FAF1: variants seen among roughly 807,000 people sequenced by gnomAD.
FAF1 encodes the protein FAS-associated factor 1.
Under a neutral mutation model 92.5 loss-of-function variants are expected in FAF1, and 25 were observed. The observed-to-expected ratio is 0.27, with a 90% confidence interval of 0.20 to 0.38. The LOEUF (loss-of-function observed/expected upper bound fraction) is 0.38, where lower values mean the gene tolerates loss of function less well. FAF1 is among the 10% of genes least tolerant of loss of function. The pLI, the probability that FAF1 is intolerant of heterozygous loss-of-function variation, is 1.00. For synonymous variants in FAF1, 234 were observed against 273.2 expected (o/e 0.86, Z 1.42); for missense variants, 636 against 793.3 (o/e 0.80, Z 2.38).
chr1:50,622,184 GA>G lies in FAF1; in HGVS notation c.745-25969del, dbSNP rs141694380. Among the ~76,000 whole-genome samples the G allele has an allele frequency of 7.6e-5, 11 of 145,260 alleles. No individual in the cohort carries two copies. In the East Asian group the frequency reaches 1.2e-3, roughly 16 times the overall value. On this transcript the variant is annotated intron_variant, in intron 8 of 18. Coordinates refer to ENST00000396153, the MANE Select transcript of FAF1 (RefSeq NM_007051.3). ...CATCTCAAAAAAAAAAAAATAAAAA[GA>G]AAAAAAAAAGAAAGATTACCCTGCC...
chr1:50,469,912 A>C (rs754843605), intron 18 of FAF1, among the ~76,000 whole-genome samples: 1 of 152,214 alleles, frequency 6.6e-6, no homozygotes, highest in Non-Finnish European at 1.5e-5. Flanking sequence ...AACCAGATAT[A>C]GTGACATAAA....
intron 1 of FAF1, among the ~76,000 whole-genome samples, chr1:50,891,153 G>A (rs760274984): frequency 2.1e-4 from 32 of 152,006 alleles, no homozygotes; most frequent in African/African-American, 7.3e-4. Flanking sequence ...TGATGAAATC[G>A]GCTATTGAAG....
chr1:50,576,382 G>C (rs1314255899), intron 12 of FAF1, among the ~76,000 whole-genome samples: 2 of 152,188 alleles, frequency 1.3e-5, no homozygotes, highest in Non-Finnish European at 2.9e-5. Flanking sequence ...TGTGAAGTCA[G>C]ATCTTTGGAG....
At chr1:50,526,127 A>C (rs1647786359) in intron 15 of FAF1, among the ~76,000 whole-genome samples, 1 of 152,174 alleles carries the variant, frequency 6.6e-6, no homozygotes, top group Non-Finnish European at 1.5e-5. Context: ...TATCCAGTTT[A>C]ATGACTCCTG....
At chr1:50,832,067 G>A (rs973886610) in intron 2 of FAF1, among the ~76,000 whole-genome samples, 1 of 151,952 alleles carries the variant, frequency 6.6e-6, no homozygotes, top group African/African-American at 2.4e-5. Context: ...TCTAGTTGCA[G>A]GAAAATAAGT....
intron 6 of FAF1, among the ~76,000 whole-genome samples, chr1:50,731,582 A>G (rs1417141102): frequency 6.6e-6 from 1 of 151,816 alleles, no homozygotes; most frequent in East Asian, 1.9e-4. Context: ...GTTAGCCAGG[A>G]TGGTCTCGAT....
chr1:50,630,007 G>A (rs961907130), intron 8 of FAF1, among the ~76,000 whole-genome samples: 4 of 151,828 alleles, frequency 2.6e-5, no homozygotes, highest in Non-Finnish European at 5.9e-5. Flanking sequence ...GCAGTGAGCC[G>A]AGATCACGCC....
intron 3 of FAF1, among the ~76,000 whole-genome samples, chr1:50,798,752 A>C (rs1389400987): frequency 6.6e-6 from 1 of 152,244 alleles, no homozygotes; most frequent in Non-Finnish European, 1.5e-5. Flanking sequence ...CTGTAAAATG[A>C]GGAAGAATAA....
chr1:50,611,588 C>T (rs1216897881), intron 8 of FAF1, among the ~76,000 whole-genome samples: 1 of 152,130 alleles, frequency 6.6e-6, no homozygotes, highest in African/African-American at 2.4e-5. Context: ...AATTTAAACT[C>T]AAGGAAACAT....
At chr1:50,570,032 T>C (rs1245249649) in intron 12 of FAF1, among the ~76,000 whole-genome samples, 1 of 152,162 alleles carries the variant, frequency 6.6e-6, no homozygotes, top group Non-Finnish European at 1.5e-5. Flanking sequence ...TTTCAAAGCA[T>C]TGGTCCCTGC....
At chr1:50,701,078 T>G (rs1018828001) in intron 7 of FAF1, among the ~76,000 whole-genome samples, 1 of 152,116 alleles carries the variant, frequency 6.6e-6, no homozygotes, top group African/African-American at 2.4e-5. Context: ...CATAATCGTC[T>G]TTTCTGAAAG....
chr1:50,490,886 AG>A (rs1249885505), intron 16 of FAF1, among the ~76,000 whole-genome samples: 3 of 152,216 alleles, frequency 2.0e-5, no homozygotes, highest in Admixed American at 6.5e-5. Flanking sequence ...TGATAATGTT[AG>A]GTTCCTATTC....
At chr1:50,799,044 G>A (rs918300542) in intron 3 of FAF1, among the ~76,000 whole-genome samples, 27 of 152,150 alleles carry the variant, frequency 1.8e-4, no homozygotes, top group African/African-American at 5.3e-4. Flanking sequence ...ACTCCTGACC[G>A]CGAGTGATCT....
chr1:50,822,512 C>T (rs1644052174), intron 2 of FAF1, among the ~76,000 whole-genome samples: 1 of 152,168 alleles, frequency 6.6e-6, no homozygotes, highest in South Asian at 2.1e-4. Flanking sequence ...CCTACTTCTC[C>T]TTCACAGGTC....
intron 1 of FAF1, among the ~76,000 whole-genome samples, chr1:50,920,335 G>A (rs1644953006): frequency 6.6e-6 from 1 of 151,334 alleles, no homozygotes; most frequent in African/African-American, 2.4e-5. Context: ...AAGAAAATAT[G>A]CTTTGGAAGG....
chr1:50,685,553 C>T (rs191036715), intron 7 of FAF1, among the ~76,000 whole-genome samples: 8 of 152,310 alleles, frequency 5.3e-5, no homozygotes, highest in Admixed American at 5.2e-4. Flanking sequence ...TTATCTTCTG[C>T]ATCAGTATCT....
intron 8 of FAF1, among the ~76,000 whole-genome samples, chr1:50,603,021 A>G (rs1652218508): frequency 6.6e-6 from 1 of 152,184 alleles, no homozygotes; most frequent in Admixed American, 6.5e-5. Context: ...CTCACACAGA[A>G]TAAGAAGGTT....
At chr1:50,865,797 C>T (rs1371507799) in intron 1 of FAF1, among the ~76,000 whole-genome samples, 15 of 146,408 alleles carry the variant, frequency 1.0e-4, no homozygotes, top group Admixed American at 9.6e-4. Flanking sequence ...ATGTAACTAA[C>T]CTGCACATTG....
At chr1:50,634,188 T>C (rs1653912270) in intron 8 of FAF1, among the ~76,000 whole-genome samples, 1 of 152,140 alleles carries the variant, frequency 6.6e-6, no homozygotes, top group Non-Finnish European at 1.5e-5. Context: ...TGAGAAAATT[T>C]GTAAGACTTT....
Sources: gnomAD v4.1 joint callset for allele counts (sites outside exome capture counted in the v4.1 genomes callset) on GRCh38, gnomAD v4.1.1 for gene constraint, MANE v1.5 for transcripts, NCBI Gene and HGNC (gene_info 2026-07-23, HGNC 2026-07-21) for gene names.